SLC25A32: variants seen among roughly 807,000 people sequenced by gnomAD.
The protein encoded by SLC25A32 is solute carrier family 25 member 32, also known as Glycine auxotroph B, complementation of hamster.
Under a neutral mutation model 39.0 loss-of-function variants are expected in SLC25A32, and 32 were observed. That is an observed-to-expected ratio of 0.82 (90% confidence interval 0.62 to 1.10). The LOEUF is 1.10. SLC25A32 is among the 50% of genes least tolerant of loss of function. The pLI is 0.00. For missense variants in SLC25A32, 367 were observed against 395.3 expected (o/e 0.93, Z 0.61); for synonymous variants, 166 against 152.4 (o/e 1.09, Z -0.66).
chr8:103,415,031 G>A lies in SLC25A32; in HGVS notation c.-94C>T, dbSNP rs757191177. On this transcript the variant is annotated 5_prime_UTR_variant, in exon 1 of 7. Transcript: ENST00000297578. ...CCGTGGCGACGGTCGCCCCTTGTGA[G>A]CGCAACCCCACCTCCGGGACCAACG... is the stretch of plus-strand genomic sequence containing the variant. 5.7e-6 allele frequency: 9 copies of A among 1,592,826 alleles called. No homozygotes were observed. In the African/African-American group the frequency reaches 1.2e-4, roughly 21 times the overall value.
chr8:103,407,532 A>G, intron 2 of SLC25A32, 102 bp downstream of exon 2: 1 of 976,808 alleles, frequency 1.0e-6, no homozygotes, highest in Admixed American at 2.6e-5. Flanking sequence ...AGAGAAACTG[A>G]TTAAATGACT....
chr8:103,412,064 G>T (rs967741779), intron 1 of SLC25A32, among the ~76,000 whole-genome samples: 1 of 151,984 alleles, frequency 6.6e-6, no homozygotes, highest in African/African-American at 2.4e-5. Context: ...TGTAAGATAG[G>T]AAAAAATAAT....
In SLC25A32 at chr8:103,398,792, T is replaced by C. The variant is rs1404031624; in HGVS notation, c.*1619A>G. The stretch of plus-strand genomic sequence containing the variant: ...AGATTTCATATGAATTATAGTATAA[T>C]CCAGAAGTATGAAAAAATACATCAT... On this transcript the variant is annotated 3_prime_UTR_variant, in exon 7 of 7. Transcript: ENST00000297578. 1 of 152,180 alleles carries C rather than the reference T, an allele frequency of 6.6e-6. No individual in the cohort carries two copies. Among genetic ancestry groups the C allele is most frequent in the Non-Finnish European group, 1.5e-5 (1 of 68,038 alleles). The allele number at this position is 152,180 out of a possible 1,614,324, so 9.4% of individuals were successfully genotyped here.
chr8:103,406,374 A>C (rs1464519018), intron 2 of SLC25A32, among the ~76,000 whole-genome samples: 2 of 152,206 alleles, frequency 1.3e-5, no homozygotes, highest in African/African-American at 4.8e-5. Flanking sequence ...TTTTCCTAAA[A>C]ATGAAATCTG....
At chr8:103,414,321 A>C (rs894735050) in intron 1 of SLC25A32, among the ~76,000 whole-genome samples, 1 of 152,234 alleles carries the variant, frequency 6.6e-6, no homozygotes, top group African/African-American at 2.4e-5. Context: ...GCCAAAAAAC[A>C]AACATTCAAG....
intron 1 of SLC25A32, among the ~76,000 whole-genome samples, chr8:103,411,504 A>G (rs1816463781): frequency 6.6e-6 from 1 of 151,878 alleles, no homozygotes; most frequent in Non-Finnish European, 1.5e-5. Context: ...CTAATTAAGA[A>G]CCTTCAAAGG....
rs772351898 is a variant in SLC25A32 at position 103,400,414 on chromosome 8, C to T, written c.945G>A (p.Lys315=). Residue 315 remains lysine (K), a synonymous_variant, in exon 7 of 7, where the codon AAG becomes AAA. Transcript: ENST00000297578. ...ACTGGAATTGTCCTCTTTGAGCTTA[C>T]TTTCTCTTTTCTCTAAGGTCAAGTA... ...HFLLDLREKR[K] is the part of the protein sequence containing the mutation. 6.2e-7 allele frequency: 1 copy of T among 1,614,104 alleles called. No individual in the cohort carries two copies. Among genetic ancestry groups the T allele is most frequent in the South Asian group, 1.1e-5 (1 of 91,076 alleles).
chr8:103,400,603 G>T (rs74387812), intron 6 of SLC25A32, 57 bp from the exon 7 acceptor site: 1 of 1,577,986 alleles, frequency 6.3e-7, no homozygotes. Flanking sequence ...TTGAAAACAC[G>T]GAAGTTCTAA....
intron 6 of SLC25A32, among the ~76,000 whole-genome samples, chr8:103,400,928 A>G (rs998617323): frequency 2.0e-5 from 3 of 152,230 alleles, no homozygotes; most frequent in Admixed American, 6.5e-5. Flanking sequence ...ATAAAACTTT[A>G]TTTCCTTAAT....
At chr8:103,402,510 T>C (rs1171699206) in intron 4 of SLC25A32, 1 of 152,252 alleles carries the variant, frequency 6.6e-6, no homozygotes, top group Non-Finnish European at 1.5e-5. Flanking sequence ...AAAATGATTT[T>C]AAAAGCTATT....
At chr8:103,406,395 G>A (rs1254874290) in intron 2 of SLC25A32, among the ~76,000 whole-genome samples, 1 of 152,264 alleles carries the variant, frequency 6.6e-6, no homozygotes, top group East Asian at 1.9e-4. Flanking sequence ...TTGAAGCAAA[G>A]AAAAGCTTCC....
In SLC25A32 at chr8:103,398,684, A is replaced by C. The variant is rs1816154023; in HGVS notation, c.*1727T>G. 6.6e-6 allele frequency: 1 copy of C among 152,248 alleles called. No individual in the cohort carries two copies. The highest frequency in any genetic ancestry group is 1.5e-5 in the Non-Finnish European group (1 of 68,044). The allele number at this position is 152,248 out of a possible 1,614,324, so 9.4% of individuals were successfully genotyped here. Reference sequence around the variant, plus strand: ...TTATGTTTTATTCATTTGGGAGTACATAGGCGGTATTTAAACAATGGTGCT... The same window carrying C: ...TTATGTTTTATTCATTTGGGAGTACCTAGGCGGTATTTAAACAATGGTGCT... On this transcript the variant is annotated 3_prime_UTR_variant, in exon 7 of 7. Coordinates refer to ENST00000297578, the MANE Select transcript of SLC25A32 (RefSeq NM_030780.5).
intron 2 of SLC25A32, among the ~76,000 whole-genome samples, chr8:103,406,413 T>C (rs149693443): frequency 1.0e-3 from 156 of 152,322 alleles, no homozygotes; most frequent in Non-Finnish European, 1.7e-3. Context: ...TCCTTATTCA[T>C]GGTTTCAGTT....
At chr8:103,412,239 C>A (rs775414231) in intron 1 of SLC25A32, among the ~76,000 whole-genome samples, 1 of 152,218 alleles carries the variant, frequency 6.6e-6, no homozygotes, top group African/African-American at 2.4e-5. Context: ...ACTACTGTTA[C>A]TGAATTTTAC....
rs949446888 is a variant in SLC25A32, at chr8:103,399,222, A to G, written c.*1189T>C. ...TCCATATATCTGAAAACTGAAGTAT[A>G]AAGTTTCTCATTTCCATTTACCTTG... On this transcript the variant is annotated 3_prime_UTR_variant, in exon 7 of 7. Coordinates refer to ENST00000297578, the MANE Select transcript of SLC25A32 (RefSeq NM_030780.5). The G allele has an allele frequency of 6.6e-6, 1 of 152,250 alleles. No homozygotes were observed. The highest frequency in any genetic ancestry group is 2.4e-5 in the African/African-American group (1 of 41,472). The allele number at this position is 152,250 out of a possible 1,614,324, so 9.4% of individuals were successfully genotyped here.
chr8:103,408,793 C>T (rs928841924), intron 1 of SLC25A32, among the ~76,000 whole-genome samples: 2 of 152,178 alleles, frequency 1.3e-5, no homozygotes, highest in Non-Finnish European at 2.9e-5. Context: ...TCCATGAACC[C>T]TCCTCCTTCC....
At chr8:103,409,699 A>G (rs903291022) in intron 1 of SLC25A32, among the ~76,000 whole-genome samples, 1 of 152,208 alleles carries the variant, frequency 6.6e-6, no homozygotes, top group African/African-American at 2.4e-5. Context: ...CCTGGCAAAG[A>G]AGGATCACTA....
intron 4 of SLC25A32, chr8:103,402,447 A>G (rs3133809): frequency 0.46 from 69,872 of 152,634 alleles, 16,076 homozygotes; most frequent in African/African-American, 0.49. Context: ...AAACATAAAA[A>G]TAATATATTT....
intron 1 of SLC25A32, among the ~76,000 whole-genome samples, chr8:103,413,671 TTA>T (rs1175753092): frequency 1.3e-5 from 2 of 152,184 alleles, no homozygotes; most frequent in African/African-American, 4.8e-5. Flanking sequence ...CTTCATGACA[TTA>T]TATGTCTTTG....
Sources: gnomAD v4.1 joint callset for allele counts (sites outside exome capture counted in the v4.1 genomes callset) on GRCh38, gnomAD v4.1.1 for gene constraint, MANE v1.5 for transcripts, NCBI Gene and HGNC (gene_info 2026-07-23, HGNC 2026-07-21) for gene names.